SYT6: variants seen among roughly 807,000 people sequenced by gnomAD.
The protein encoded by SYT6 is synaptotagmin 6, also known as synaptotagmin-6.
In SYT6, 24 loss-of-function variants were observed where a neutral mutation model predicts 38.4. The ratio of observed to expected loss-of-function variants is 0.62; its 90% CI spans 0.45 to 0.88. The LOEUF (loss-of-function observed/expected upper bound fraction) is 0.88. Among genes scored for constraint, SYT6 ranks in the 40% least tolerant of loss-of-function variants. The pLI is 0.00. For synonymous variants in SYT6, 265 were observed against 241.9 expected (o/e 1.10, Z -0.89); for missense variants, 611 against 621.0 (o/e 0.98, Z 0.17).
chr1:114,121,154 A>G (rs375287407), intron 3 of SYT6, among the ~76,000 whole-genome samples: 182 of 152,298 alleles, frequency 1.2e-3, no homozygotes, highest in African/African-American at 4.3e-3. Flanking sequence ...TCATCTGAGA[A>G]GACCATGGCC....
chr1:114,125,570 G>A (rs1227498966), intron 3 of SYT6, among the ~76,000 whole-genome samples: 1 of 152,096 alleles, frequency 6.6e-6, no homozygotes, highest in African/African-American at 2.4e-5. Flanking sequence ...GGCCAGATGG[G>A]CTCGGGGTTG....
chr1:114,136,739 T>G (rs1413931235), intron 3 of SYT6, among the ~76,000 whole-genome samples: 4 of 152,174 alleles, frequency 2.6e-5, no homozygotes, highest in African/African-American at 9.7e-5. Context: ...CCATCTCCCA[T>G]ACCTGACTGG....
intron 1 of SYT6, among the ~76,000 whole-genome samples, chr1:114,146,746 G>A (rs1324778117): frequency 6.6e-6 from 1 of 152,228 alleles, no homozygotes; most frequent in East Asian, 1.9e-4. Flanking sequence ...AGAGAAGGAA[G>A]CATTGCCCTG....
At chr1:114,149,932 T>C (rs530542245) in intron 1 of SYT6, among the ~76,000 whole-genome samples, 2 of 152,258 alleles carry the variant, frequency 1.3e-5, no homozygotes, top group African/African-American at 4.8e-5. Flanking sequence ...TTATTTCTAC[T>C]TTCAGAGACT....
At chr1:114,105,330 A>G (rs1676226149) in intron 3 of SYT6, among the ~76,000 whole-genome samples, 1 of 144,218 alleles carries the variant, frequency 6.9e-6, no homozygotes, top group Admixed American at 7.0e-5. Context: ...GAATAAGCCA[A>G]GGCCCTGTCT....
At chr1:114,149,240 T>TGTGTGCGCGCGCGCGCGCGCG in intron 1 of SYT6, among the ~76,000 whole-genome samples, 1 of 147,004 alleles carries the variant, frequency 6.8e-6, no homozygotes, top group South Asian at 2.2e-4. Flanking sequence ...TGTGTGTGTG[T>TGTGTGCGCGCGCGCGCGCGCG]TGGGAGAACA....
intron 4 of SYT6, among the ~76,000 whole-genome samples, chr1:114,100,031 C>T (rs1675867627): frequency 6.6e-6 from 1 of 152,152 alleles, no homozygotes. Flanking sequence ...TCTCTCCATC[C>T]TGCAAAGAGA....
chr1:114,139,647 C>T lies in SYT6; in HGVS notation c.480G>A (p.Gln160=), dbSNP rs1243161479. 1 of 1,614,062 alleles carries T rather than the reference C, an allele frequency of 6.2e-7. No homozygotes were observed. The highest frequency in any genetic ancestry group is 1.3e-5 in the African/African-American group (1 of 74,906). ...ATGACGCTGGCTCTGTAGTTTGCCG[C>T]TGCAGCCGGGTGTGACGCATGATGT... The part of the protein sequence containing the change: ...KEHIMRHTRL[Q]RQTTEPASST... The change falls in exon 2 of 8, where the codon CAG becomes CAA. Residue 160 remains glutamine (Q), a synonymous_variant. Coordinates refer to ENST00000610222, the MANE Select transcript of SYT6 (RefSeq NM_001253772.2).
At chr1:114,134,503 T>G (rs1337519580) in intron 3 of SYT6, among the ~76,000 whole-genome samples, 1 of 152,026 alleles carries the variant, frequency 6.6e-6, no homozygotes, top group Non-Finnish European at 1.5e-5. Context: ...CCTGAGCCAT[T>G]GGGAGGACTT....
At chr1:114,127,184 T>C (rs965233104) in intron 3 of SYT6, among the ~76,000 whole-genome samples, 5 of 152,186 alleles carry the variant, frequency 3.3e-5, no homozygotes, top group African/African-American at 7.2e-5. Flanking sequence ...GGTCCTAATT[T>C]TGGCTCAAGT....
chr1:114,099,048 G>A (rs1319190866), intron 5 of SYT6, 46 bp downstream of exon 5: 7 of 1,565,080 alleles, frequency 4.5e-6, no homozygotes, highest in Non-Finnish European at 6.1e-6. Context: ...TGGTGCTGGA[G>A]TGGGAGTGAG....
At chr1:114,133,046 C>T (rs538139035) in intron 3 of SYT6, among the ~76,000 whole-genome samples, 2 of 152,122 alleles carry the variant, frequency 1.3e-5, no homozygotes, top group South Asian at 2.1e-4. Context: ...TCCCTTCCTC[C>T]CTGCATACCC....
chr1:114,145,502 GTTT>G (rs752982644), intron 1 of SYT6, among the ~76,000 whole-genome samples: 27 of 111,640 alleles, frequency 2.4e-4, no homozygotes, highest in African/African-American at 7.4e-4. Context: ...GAGGTATTAA[GTTT>G]TTTTTTTTTT....
At chr1:114,148,803 T>C (rs1679288855) in intron 1 of SYT6, among the ~76,000 whole-genome samples, 1 of 152,114 alleles carries the variant, frequency 6.6e-6, no homozygotes, top group Non-Finnish European at 1.5e-5. Context: ...AAACTAAGCA[T>C]AGAGATGTTA....
chr1:114,122,479 A>ATT (rs1677464480), intron 3 of SYT6, among the ~76,000 whole-genome samples: 1 of 103,002 alleles, frequency 9.7e-6, no homozygotes, highest in Non-Finnish European at 1.9e-5. Context: ...CAGCATGTAC[A>ATT]TTTGTGTGTG....
chr1:114,092,338 CTGTG>C (rs57240903), intron 7 of SYT6, among the ~76,000 whole-genome samples: 3,596 of 128,324 alleles, frequency 0.028, 85 homozygotes, highest in Middle Eastern at 0.073. Context: ...CTCTCTCTCT[CTGTG>C]TGTGTGTGTG....
chr1:114,149,217 T>TTGTGTGTGTGTGTGTGTGTGTGTG (rs879834403), intron 1 of SYT6, among the ~76,000 whole-genome samples: 3 of 38,026 alleles, frequency 7.9e-5, no homozygotes, highest in African/African-American at 3.6e-4. Flanking sequence ...GAGAGAGAGA[T>TTGTGTGTGTGTGTGTGTGTGTGTG]TGTGTGTGTG....
Position 114,099,103 on chromosome 1 carries a change from T to A in SYT6, c.1355A>T (p.Asp452Val). Residue 452 changes from aspartate (D) to valine (V), a missense_variant, in exon 5 of 8, where the codon GAC (aspartate) becomes GTC (valine). Coordinates refer to ENST00000610222, the MANE Select transcript of SYT6 (RefSeq NM_001253772.2). ...DQVSLLISVM[D>V]YDRVGHNEII... ...TAGGACGCCTACCTACCGATCATAG[T>A]CCATGACTGAGATGAGCAGGCTGAC... 6.2e-7 allele frequency: 1 copy of A among 1,613,038 alleles called. No homozygotes were observed. Among genetic ancestry groups the A allele is most frequent in the South Asian group, 1.1e-5 (1 of 90,850 alleles).
At chr1:114,122,506 T>TGTGTGTGTGC (rs60780339) in intron 3 of SYT6, among the ~76,000 whole-genome samples, 1 of 147,288 alleles carries the variant, frequency 6.8e-6, no homozygotes, top group East Asian at 2.1e-4. Context: ...TGTGTGTGTG[T>TGTGTGTGTGC]GCGCGCACAT....
Sources: allele counts gnomAD v4.1 joint callset (sites outside exome capture counted in the v4.1 genomes callset), GRCh38; gene constraint gnomAD v4.1.1; transcripts MANE v1.5; gene names NCBI Gene and HGNC (gene_info 2026-07-23, HGNC 2026-07-21).